NDUFA10: variants seen among roughly 807,000 people sequenced by gnomAD.
NDUFA10 encodes the protein NADH dehydrogenase [ubiquinone] 1 alpha subcomplex subunit 10, mitochondrial.
A neutral mutation model predicts 47.8 loss-of-function variants in NDUFA10; 40 were observed. The ratio of observed to expected loss-of-function variants is 0.84; its 90% CI spans 0.65 to 1.09. The LOEUF is 1.09. Among genes scored for constraint, NDUFA10 ranks in the 50% least tolerant of loss-of-function variants. The pLI is 0.00. For synonymous variants in NDUFA10, 183 were observed against 172.2 expected (o/e 1.06, Z -0.49); for missense variants, 413 against 451.1 (o/e 0.92, Z 0.76).
rs1201970164 is a variant in NDUFA10 at position 239,957,587 on chromosome 2, TACTC to T, written c.*3527_*3530del. 2 of 152,248 alleles carry T rather than the reference TACTC, an allele frequency of 1.3e-5. No homozygotes were observed. The highest frequency in any genetic ancestry group is 2.4e-5 in the African/African-American group (1 of 41,472). 9.4% of individuals were successfully genotyped at this position (152,248 alleles called of 1,614,324 possible). On this transcript the variant is annotated 3_prime_UTR_variant, in exon 10 of 10. Transcript: ENST00000252711. Reference sequence around the variant, plus strand: ...AATAGTAAAAGCGAATGAGCAAACTTACTCACATGCTTAAAGATAAAATTTGACA... The same window carrying T: ...AATAGTAAAAGCGAATGAGCAAACTTACATGCTTAAAGATAAAATTTGACA...
At chr2:239,978,820 G>A (rs1259478489) in intron 9 of NDUFA10, among the ~76,000 whole-genome samples, 3 of 152,196 alleles carry the variant, frequency 2.0e-5, no homozygotes, top group African/African-American at 7.2e-5. Context: ...TATTGAAATA[G>A]GTGTGGGCGA....
At position 239,958,868 on chromosome 2, in the gene NDUFA10, G is replaced by C. The variant is rs959655750; in HGVS notation, c.*2250C>G. 1.3e-5 allele frequency: 11 copies of C among 873,084 alleles called. No individual in the cohort carries two copies. The East Asian group carries it at 4.9e-4, about 39-fold the overall frequency. 54.1% of individuals were successfully genotyped at this position (873,084 alleles called of 1,614,324 possible). A position where few individuals can be genotyped will look rare whatever the true frequency, so the allele number is the denominator to read the frequency against. On this transcript the variant is annotated 3_prime_UTR_variant, in exon 10 of 10. Coordinates refer to ENST00000252711, the MANE Select transcript of NDUFA10 (RefSeq NM_004544.4). ...TGCTGCAACAGCATGATTATTTCCT[G>C]ATCTCCAAAGCACTGAGAAGTCCAA...
chr2:239,951,572 G>A (rs1210444848), intron 4 of NDUFA10, among the ~76,000 whole-genome samples: 2 of 152,202 alleles, frequency 1.3e-5, no homozygotes, highest in Admixed American at 6.5e-5. Context: ...CCCAGTACAG[G>A]ATGTGCCGGA....
At chr2:240,011,775 G>A (rs1382423654) in intron 5 of NDUFA10, 79 bp from the exon 6 acceptor site, 2 of 1,213,690 alleles carry the variant, frequency 1.6e-6, no homozygotes, top group Admixed American at 1.7e-5. Context: ...AAAATGCGAA[G>A]ACAATCACTG....
intron 4 of NDUFA10, among the ~76,000 whole-genome samples, chr2:239,917,309 A>G (rs182249855): frequency 9.2e-5 from 14 of 152,386 alleles, no homozygotes; most frequent in Non-Finnish European, 1.8e-4. Context: ...CACTGTCTTA[A>G]GAAGCTAGGA....
chr2:239,965,611 T>C (rs1288670649), intron 9 of NDUFA10, among the ~76,000 whole-genome samples: 2 of 152,212 alleles, frequency 1.3e-5, no homozygotes, highest in East Asian at 1.9e-4. Flanking sequence ...GACACCCATG[T>C]GTGTGGCTGT....
At chr2:239,965,369 A>C (rs907263777) in intron 9 of NDUFA10, among the ~76,000 whole-genome samples, 7 of 152,244 alleles carry the variant, frequency 4.6e-5, no homozygotes, top group Non-Finnish European at 1.0e-4. Context: ...CACTTTGTTT[A>C]CATGTCTACT....
intron 1 of NDUFA10, among the ~76,000 whole-genome samples, chr2:240,024,147 T>A (rs1011907616): frequency 2.3e-4 from 35 of 152,272 alleles, no homozygotes; most frequent in African/African-American, 8.4e-4. Context: ...TATAAAAATG[T>A]ATTTCCAAAA....
At position 239,959,396 on chromosome 2, in the gene NDUFA10, G is replaced by A; in HGVS notation, c.*1722C>T. The A allele has an allele frequency of 2.0e-6, 2 of 985,468 alleles. No individual in the cohort carries two copies. Among genetic ancestry groups the A allele is most frequent in the Non-Finnish European group, 2.4e-6 (2 of 829,940 alleles). The allele number at this position is 985,468 out of a possible 1,614,324, so 61.0% of individuals were successfully genotyped here. ...TTTGCAGCCAAAGACATTAGGAACA[G>A]CTAAGATAATTAAAGATGGCTTTCT... is the stretch of plus-strand genomic sequence containing the variant. On this transcript the variant is annotated 3_prime_UTR_variant, in exon 10 of 10. Coordinates refer to ENST00000252711, the MANE Select transcript of NDUFA10 (RefSeq NM_004544.4).
chr2:239,904,300 C>T (rs1017027021), intron 4 of NDUFA10, among the ~76,000 whole-genome samples: 3 of 151,938 alleles, frequency 2.0e-5, no homozygotes, highest in Non-Finnish European at 2.9e-5. Context: ...TTTATTTATT[C>T]GTTATACATA....
chr2:239,916,793 T>C (rs1009929267), intron 4 of NDUFA10, among the ~76,000 whole-genome samples: 2 of 152,144 alleles, frequency 1.3e-5, no homozygotes, highest in Non-Finnish European at 2.9e-5. Flanking sequence ...ACGAGAGCCT[T>C]GATTCCCTCA....
At chr2:239,984,226 C>T (rs1425767920) in intron 9 of NDUFA10, among the ~76,000 whole-genome samples, 1 of 96,032 alleles carries the variant, frequency 1.0e-5, no homozygotes, top group African/African-American at 4.3e-5. Flanking sequence ...GAGTGACAAT[C>T]GGTTTCCAAA....
chr2:239,960,990 C>A lies in NDUFA10; in HGVS notation c.*128G>T, dbSNP rs1694831097. Reference sequence around the variant, plus strand: ...GGATGGATTGCTTTTTGTGAGACCCCTTCTTCCACTGTGCAATTTTTGCAT... The same window carrying A: ...GGATGGATTGCTTTTTGTGAGACCCATTCTTCCACTGTGCAATTTTTGCAT... On this transcript the variant is annotated 3_prime_UTR_variant, in exon 10 of 10. Transcript: ENST00000252711. The A allele has an allele frequency of 1.3e-6, 2 of 1,547,160 alleles. No homozygotes were observed. The highest frequency in any genetic ancestry group is 1.7e-6 in the Non-Finnish European group (2 of 1,146,350).
intron 9 of NDUFA10, among the ~76,000 whole-genome samples, chr2:239,964,759 C>T (rs528709368): frequency 9.2e-5 from 14 of 152,306 alleles, no homozygotes; most frequent in South Asian, 2.1e-4. Flanking sequence ...AGCCAGGAAA[C>T]GGTAACGCTG....
intron 9 of NDUFA10, among the ~76,000 whole-genome samples, chr2:239,988,374 AAAC>A (rs1664896665): frequency 6.6e-6 from 1 of 152,184 alleles, no homozygotes; most frequent in East Asian, 1.9e-4. Flanking sequence ...TACGGCCCTA[AAAC>A]ATACATGAGA....
intron 4 of NDUFA10, among the ~76,000 whole-genome samples, chr2:239,946,423 A>C (rs1246615436): frequency 2.0e-5 from 3 of 152,170 alleles, no homozygotes; most frequent in African/African-American, 7.2e-5. Context: ...GCTCTGTATG[A>C]GGTGCTGGGC....
chr2:239,929,630 T>C (rs189976841), intron 4 of NDUFA10, among the ~76,000 whole-genome samples: 57 of 146,094 alleles, frequency 3.9e-4, no homozygotes, highest in African/African-American at 1.2e-3. Flanking sequence ...GCTCCTCCAC[T>C]GCTCTTGCTC....
chr2:239,947,290 A>G (rs1023256191), intron 4 of NDUFA10, among the ~76,000 whole-genome samples: 2 of 152,228 alleles, frequency 1.3e-5, no homozygotes, highest in Non-Finnish European at 2.9e-5. Context: ...ATACCAATGC[A>G]GGTGCCTAAG....
intron 6 of NDUFA10, among the ~76,000 whole-genome samples, chr2:240,010,531 T>C (rs1697099338): frequency 6.6e-6 from 1 of 152,156 alleles, no homozygotes; most frequent in African/African-American, 2.4e-5. Flanking sequence ...ATGCTGTTTA[T>C]TCACGTTGGC....
Sources: allele counts gnomAD v4.1 joint callset (sites outside exome capture counted in the v4.1 genomes callset), GRCh38; gene constraint gnomAD v4.1.1; transcripts MANE v1.5; gene names NCBI Gene and HGNC (gene_info 2026-07-23, HGNC 2026-07-21).